The following P3H1 variants were observed in gnomAD, a reference collection of about 807,000 sequenced individuals.
P3H1 encodes the protein prolyl 3-hydroxylase 1.
P3H1 carries 69 observed loss-of-function variants against 84.0 expected under a neutral mutation model. The ratio of observed to expected loss-of-function variants is 0.82; its 90% CI spans 0.68 to 1.00. The LOEUF is 1.00. Among genes scored for constraint, P3H1 ranks in the 50% least tolerant of loss-of-function variants. The pLI is 0.00. For missense variants in P3H1, 878 were observed against 962.8 expected (o/e 0.91, Z 1.17); for synonymous variants, 366 against 388.8 (o/e 0.94, Z 0.69).
intron 11 of P3H1, chr1:42,749,771 GTT>G: frequency 5.2e-6 from 1 of 192,870 alleles, no homozygotes; most frequent in Non-Finnish European, 1.1e-5. Context: ...TGTTGTTGTT[GTT>G]GTTATTATTT....
chr1:42,766,991 G>A lies in P3H1; in HGVS notation c.-20C>T. The A allele has an allele frequency of 6.2e-7, 1 of 1,602,438 alleles. No homozygotes were observed. Among genetic ancestry groups the A allele is most frequent in the Non-Finnish European group, 8.5e-7 (1 of 1,178,416 alleles). ...CGCCATCGCTCCCTCAGACCTAACGGAACCGCCAGCCACCCGCCACCAAGG... is the reference window on the plus strand; with the variant it reads ...CGCCATCGCTCCCTCAGACCTAACGAAACCGCCAGCCACCCGCCACCAAGG... On this transcript the variant is annotated 5_prime_UTR_variant, in exon 1 of 15. Coordinates refer to ENST00000296388, the MANE Select transcript of P3H1 (RefSeq NM_022356.4).
In P3H1 at chr1:42,746,753, C is replaced by T. The variant is rs372407655; in HGVS notation, c.2155G>A (p.Glu719Lys). 136 of 1,553,798 alleles carry T rather than the reference C, an allele frequency of 8.8e-5. No individual in the cohort carries two copies. Among genetic ancestry groups the T allele is most frequent in the African/African-American group, 5.5e-4 (40 of 73,168 alleles). The change falls in exon 15 of 15, where the codon GAA (glutamate) becomes AAA (lysine). Residue 719 changes from glutamate to lysine, a missense_variant. By Grantham distance (56) the Glu-to-Lys change is moderately conservative (BLOSUM62 1). Transcript: ENST00000296388. ...QPLDAQQGPP[E>K]PAQESLSGSE... Reference sequence around the variant, plus strand: ...CCTGAGAGAGACTCTTGTGCAGGTTCGGGGGGGCCCTGCTGGGCATCCAGG... The same window carrying T: ...CCTGAGAGAGACTCTTGTGCAGGTTTGGGGGGGCCCTGCTGGGCATCCAGG...
In P3H1 at chr1:42,766,757, C is replaced by G. The variant is rs1466291805; in HGVS notation, c.215G>C (p.Arg72Pro). 6.3e-7 allele frequency: 1 copy of G among 1,588,496 alleles called. No individual in the cohort carries two copies. The highest frequency in any genetic ancestry group is 2.3e-5 in the East Asian group (1 of 43,850). Residue 72 changes from arginine to proline, a missense_variant, in exon 1 of 15, where the codon CGC becomes CCC. Transcript: ENST00000296388. Reference protein sequence around the residue: ...LRSRAALRALRLRCRTQCAAD... With the variant: ...LRSRAALRALPLRCRTQCAAD... ...GGCACACTGGGTGCGGCAGCGCAGG[C>G]GAAGGGCGCGGAGGGCTGCCCGGGA...
intron 1 of P3H1, among the ~76,000 whole-genome samples, chr1:42,764,079 G>A (rs1034952189): frequency 6.6e-6 from 1 of 151,914 alleles, no homozygotes; most frequent in Non-Finnish European, 1.5e-5. Flanking sequence ...GCAGTGAGCC[G>A]AGATCGCACC....
In P3H1 at chr1:42,746,649, A is replaced by G; in HGVS notation, c.*48T>C. The stretch of plus-strand genomic sequence containing the variant: ...GGCTGGCCAGCTCAGAGTGCAGAAG[A>G]GTTCCTCTCCATGGGTCTAGTCACC... On this transcript the variant is annotated 3_prime_UTR_variant, in exon 15 of 15. Coordinates refer to ENST00000296388, the MANE Select transcript of P3H1 (RefSeq NM_022356.4). The G allele has an allele frequency of 1.4e-6, 2 of 1,463,584 alleles. No individual in the cohort carries two copies. The highest frequency in any genetic ancestry group is 1.9e-6 in the Non-Finnish European group (2 of 1,067,652). 90.7% of individuals were successfully genotyped at this position (1,463,584 alleles called of 1,614,324 possible). A position where few individuals can be genotyped will look rare whatever the true frequency, so the allele number is the denominator to read the frequency against.
In P3H1 at chr1:42,746,712, G is replaced by C. The variant is rs773095371; in HGVS notation, c.2196C>G (p.Pro732=). 1.3e-6 allele frequency: 2 copies of C among 1,551,678 alleles called. No homozygotes were observed. Among genetic ancestry groups the C allele is most frequent in the Non-Finnish European group, 1.7e-6 (2 of 1,146,976 alleles). ...QESLSGSESK[P]KDEL ...CTGGACGCTGTCATAGCTCATCCTTGGGCTTCGATTCACTGCCTGAGAGAG... is the reference window on the plus strand; with the variant it reads ...CTGGACGCTGTCATAGCTCATCCTTCGGCTTCGATTCACTGCCTGAGAGAG... Residue 732 remains proline (P), a synonymous_variant, in exon 15 of 15, where the codon CCC becomes CCG. Coordinates refer to ENST00000296388, the MANE Select transcript of P3H1 (RefSeq NM_022356.4).
chr1:42,757,420 GA>G (rs544876888), intron 5 of P3H1, among the ~76,000 whole-genome samples: 162 of 151,918 alleles, frequency 1.1e-3, no homozygotes, highest in African/African-American at 3.6e-3. Flanking sequence ...CAGGTGAGCA[GA>G]AAAAAAACAA....
intron 2 of P3H1, chr1:42,761,451 A>G (rs1331152389): frequency 1.3e-5 from 2 of 152,248 alleles, no homozygotes; most frequent in African/African-American, 4.8e-5. Context: ...GAAAATCAAA[A>G]ACATACATGA....
chr1:42,759,152 T>C, intron 3 of P3H1, 49 bp downstream of exon 3: 3 of 1,600,604 alleles, frequency 1.9e-6, no homozygotes, highest in South Asian at 1.1e-5. Flanking sequence ...ATGGTGACCT[T>C]AGAGTCCCAG....
intron 2 of P3H1, chr1:42,761,170 A>T (rs1488712954): frequency 2.0e-5 from 3 of 150,936 alleles, no homozygotes; most frequent in Non-Finnish European, 4.4e-5. Context: ...GGGTTTCACC[A>T]TATTGGCCAG....
chr1:42,755,466 C>T (rs1652345490), intron 6 of P3H1, 82 bp downstream of exon 6: 6 of 1,254,550 alleles, frequency 4.8e-6, no homozygotes, highest in African/African-American at 2.9e-5. Flanking sequence ...CTCTCAGAAT[C>T]GCACAGTGTT....
chr1:42,756,350 G>GTGCCA lies in P3H1; in HGVS notation c.1081-714_1081-713insTGGCA, dbSNP rs555686074. 1,090 of 153,986 alleles carry GTGCCA rather than the reference G, an allele frequency of 7.1e-3. 7 individuals carry two copies. The highest frequency in any genetic ancestry group is 0.013 in the Non-Finnish European group (861 of 68,292). 9.5% of individuals were successfully genotyped at this position (153,986 alleles called of 1,614,324 possible). ...CTCCCTGAGGATAAGCAGCTAAAGG[G>GTGCCA]GAGGGCCTGGCACTCTGGGCTTCCC... On this transcript the variant is annotated intron_variant, in intron 5 of 14. Coordinates refer to ENST00000296388, the MANE Select transcript of P3H1 (RefSeq NM_022356.4).
At chr1:42,757,666 A>C in intron 5 of P3H1, 117 bp downstream of exon 5, 1 of 1,470,458 alleles carries the variant, frequency 6.8e-7, no homozygotes, top group Non-Finnish European at 9.5e-7. Context: ...TGGCCCCAAC[A>C]CTGACATCTG....
Position 42,755,196 on chromosome 1 carries a change from C to A in P3H1, c.1192G>T (p.Val398Leu). 6.2e-7 allele frequency: 1 copy of A among 1,614,164 alleles called. No individual in the cohort carries two copies. Among genetic ancestry groups the A allele is most frequent in the Middle Eastern group, 1.6e-4 (1 of 6,062 alleles). Reference sequence around the variant, plus strand: ...TTCTCTTGCAATCTCTTGGGAATCACTTCTTCTGGAGTCCATGAATCCTAA... The same window carrying A: ...TTCTCTTGCAATCTCTTGGGAATCAATTCTTCTGGAGTCCATGAATCCTAA... ...VDPDSWTPEE[V>L]IPKRLQEKQK... Residue 398 changes from valine (V) to leucine (L), a missense_variant, in exon 7 of 15, where the codon GTG (valine) becomes TTG (leucine). Transcript: ENST00000296388.
intron 5 of P3H1, chr1:42,756,591 A>C (rs147098286): frequency 3.9e-5 from 6 of 154,542 alleles, no homozygotes; most frequent in African/African-American, 1.4e-4. Flanking sequence ...TAAGAGGAAG[A>C]GAGACGTTTT....
At chr1:42,758,053 T>C (rs376408511) in intron 4 of P3H1, 131 bp from the exon 5 acceptor site, 8 of 838,110 alleles carry the variant, frequency 9.5e-6, no homozygotes, top group Middle Eastern at 2.2e-4. Flanking sequence ...AGCTGGTGCC[T>C]GCTACTTAAC....
chr1:42,756,445 T>C (rs1652408767), intron 5 of P3H1: 1 of 154,162 alleles, frequency 6.5e-6, no homozygotes, highest in Non-Finnish European at 1.5e-5. Flanking sequence ...CATCTTTCCC[T>C]AGGTGCCCTG....
chr1:42,765,116 A>G (rs1310830990), intron 1 of P3H1, among the ~76,000 whole-genome samples: 1 of 152,126 alleles, frequency 6.6e-6, no homozygotes, highest in Non-Finnish European at 1.5e-5. Flanking sequence ...TTCTCTTCCA[A>G]ATCTGGCCTC....
At chr1:42,762,268 C>T in intron 2 of P3H1, 55 bp downstream of exon 2, 1 of 1,580,284 alleles carries the variant, frequency 6.3e-7, no homozygotes, top group South Asian at 1.1e-5. Context: ...AAGACTCTGT[C>T]TCTAAAATAA....
Sources: gnomAD v4.1 joint callset for allele counts (sites outside exome capture counted in the v4.1 genomes callset) on GRCh38, gnomAD v4.1.1 for gene constraint, MANE v1.5 for transcripts, NCBI Gene and HGNC (gene_info 2026-07-23, HGNC 2026-07-21) for gene names.